The following LVRN variants were observed in gnomAD, a reference collection of about 807,000 sequenced individuals.
LVRN encodes aminopeptidase Q.
Under a neutral mutation model 111.4 loss-of-function variants are expected in LVRN, and 99 were observed. The observed-to-expected ratio is 0.89, with a 90% CI of 0.76 to 1.05. The LOEUF (loss-of-function observed/expected upper bound fraction) is 1.05, where lower values mean the gene tolerates loss of function less well. Ranked by LOEUF, LVRN falls within the 50% of genes least tolerant of loss-of-function variation. The pLI is 0.00. For synonymous variants in LVRN, 488 were observed against 449.5 expected (o/e 1.09, Z -1.08); for missense variants, 1,414 against 1,206.8 (o/e 1.17, Z -2.54).
chr5:116,015,354 C>A lies in LVRN; in HGVS notation c.2553C>A (p.Asn851Lys). ...ILLNTYTNTT[N>K]KEEKIQLAYA... ...TAAATACTTACACTAATACAACAAA[C>A]AAAGAAGAAAAGATTCAACTTGCTT... Residue 851 changes from asparagine (N) to lysine (K), a missense_variant, in exon 17 of 20, where the codon AAC becomes AAA. By Grantham distance (94) the Asn-to-Lys change is moderately conservative (BLOSUM62 0). Coordinates refer to ENST00000357872, the MANE Select transcript of LVRN (RefSeq NM_173800.5). 6.2e-7 allele frequency: 1 copy of A among 1,611,438 alleles called. No homozygotes were observed. Among genetic ancestry groups the A allele is most frequent in the Non-Finnish European group, 8.5e-7 (1 of 1,179,134 alleles).
chr5:115,993,855 G>T lies in LVRN; in HGVS notation c.1374+1G>T, dbSNP rs1264675980. 2.0e-6 allele frequency: 3 copies of T among 1,538,324 alleles called. No homozygotes were observed. The highest frequency in any genetic ancestry group is 2.4e-5 in the South Asian group (2 of 82,232). On this transcript the variant is annotated splice_donor_variant, in intron 6 of 19. Transcript: ENST00000357872. LOFTEE classifies it high-confidence loss of function. Reference sequence around the variant, plus strand: ...CTACTTTAATCCTAAACTCCCAAGAGTAAGTATGTTTACTAAGTTTATTTA... The same window carrying T: ...CTACTTTAATCCTAAACTCCCAAGATTAAGTATGTTTACTAAGTTTATTTA...
At chr5:115,974,301 C>G (rs73259362) in intron 1 of LVRN, among the ~76,000 whole-genome samples, 4,390 of 152,230 alleles carry the variant, frequency 0.029, 200 homozygotes, top group African/African-American at 0.098. Flanking sequence ...AATCTATACA[C>G]CTACCAACTC....
At chr5:115,993,017 A>G (rs958471858) in intron 5 of LVRN, among the ~76,000 whole-genome samples, 2 of 152,220 alleles carry the variant, frequency 1.3e-5, no homozygotes, top group African/African-American at 4.8e-5. Context: ...CACAATCACA[A>G]GTTTTATTAA....
At chr5:115,979,152 G>C (rs980028965) in intron 1 of LVRN, among the ~76,000 whole-genome samples, 1 of 152,048 alleles carries the variant, frequency 6.6e-6, no homozygotes, top group Admixed American at 6.6e-5. Context: ...GCTCTTGCAA[G>C]GAATGCTCAT....
At chr5:116,015,519 G>C in intron 17 of LVRN, 100 bp downstream of exon 17, 7 of 1,470,122 alleles carry the variant, frequency 4.8e-6, no homozygotes, top group Non-Finnish European at 5.4e-6. Flanking sequence ...AAAACGTTGC[G>C]TATTTGTGCT....
rs746784058 is a variant in LVRN at position 115,984,539 on chromosome 5, CT to C, written c.839-30del. The stretch of plus-strand genomic sequence containing the variant: ...AAAGACATGTAATTGCTTAGATTTG[CT>C]GTGATTTGAACTAAAATAAAATTCT... On this transcript the variant is annotated intron_variant, in intron 2 of 19. Coordinates refer to ENST00000357872, the MANE Select transcript of LVRN (RefSeq NM_173800.5). 8.7e-6 allele frequency: 14 copies of C among 1,609,398 alleles called. No individual in the cohort carries two copies. In the East Asian group the frequency reaches 3.1e-4, roughly 36 times the overall value.
chr5:116,026,538 G>T lies in LVRN; in HGVS notation c.*420G>T. Reference sequence around the variant, plus strand: ...AGGGTTTATTTAGTTCAACATTGAAGATTGAAAAGACTAATGAGAAGATAA... The same window carrying T: ...AGGGTTTATTTAGTTCAACATTGAATATTGAAAAGACTAATGAGAAGATAA... On this transcript the variant is annotated 3_prime_UTR_variant, in exon 20 of 20. Transcript: ENST00000357872. The T allele has an allele frequency of 4.7e-6, 1 of 213,284 alleles. No individual in the cohort carries two copies. The highest frequency in any genetic ancestry group is 9.3e-6 in the Non-Finnish European group (1 of 107,486). 13.2% of individuals were successfully genotyped at this position (213,284 alleles called of 1,614,324 possible).
At chr5:115,997,244 A>G (rs920220850) in intron 6 of LVRN, among the ~76,000 whole-genome samples, 1 of 152,184 alleles carries the variant, frequency 6.6e-6, no homozygotes, top group Non-Finnish European at 1.5e-5. Flanking sequence ...GATGAGTCAC[A>G]TAACTCCTAA....
At chr5:115,977,731 C>G (rs1753477882) in intron 1 of LVRN, among the ~76,000 whole-genome samples, 1 of 152,136 alleles carries the variant, frequency 6.6e-6, no homozygotes, top group African/African-American at 2.4e-5. Context: ...GTCGTCTAAT[C>G]AGTTGCATAA....
chr5:116,026,047 A>G lies in LVRN; in HGVS notation c.2902A>G (p.Ile968Val). 1.2e-6 allele frequency: 2 copies of G among 1,613,944 alleles called. No homozygotes were observed. The highest frequency in any genetic ancestry group is 1.7e-6 in the Non-Finnish European group (2 of 1,179,884). Residue 968 changes from isoleucine to valine, a missense_variant, in exon 20 of 20, where the codon ATA (isoleucine) becomes GTA (valine). Ile to Val is a conservative substitution (Grantham distance 29). Transcript: ENST00000357872. ...CAGAGTTCATGCCAACTTACAGACAATAAAGAATGAAAATCTGAAAAACAA... is the reference window on the plus strand; with the variant it reads ...CAGAGTTCATGCCAACTTACAGACAGTAAAGAATGAAAATCTGAAAAACAA... ...RIRVHANLQT[I>V]KNENLKNKKL...
chr5:116,023,441 C>G (rs1357604493), intron 19 of LVRN: 2 of 152,238 alleles, frequency 1.3e-5, no homozygotes, highest in Admixed American at 1.3e-4. Flanking sequence ...TTTCTCACAG[C>G]TTCAAGAGTT....
intron 1 of LVRN, among the ~76,000 whole-genome samples, chr5:115,974,306 C>G (rs1753390234): frequency 6.6e-6 from 1 of 152,112 alleles, no homozygotes; most frequent in South Asian, 2.1e-4. Context: ...ATACACCTAC[C>G]AACTCTGAAG....
intron 12 of LVRN, among the ~76,000 whole-genome samples, chr5:116,003,645 G>C (rs1275254117): frequency 1.3e-5 from 2 of 148,548 alleles, no homozygotes; most frequent in Non-Finnish European, 3.0e-5. Context: ...GCAGTGACGC[G>C]ATCTCGGCTC....
At chr5:115,994,042 GT>G (rs10713419) in intron 6 of LVRN, among the ~76,000 whole-genome samples, 188 bp downstream of exon 6, 28,809 of 151,414 alleles carry the variant, frequency 0.19, 3,152 homozygotes, top group East Asian at 0.48. Context: ...TATTGTAAAT[GT>G]TTTTGAAGGT....
chr5:115,985,847 C>A (rs1747846883), intron 3 of LVRN, among the ~76,000 whole-genome samples: 1 of 152,186 alleles, frequency 6.6e-6, no homozygotes, highest in Non-Finnish European at 1.5e-5. Context: ...AGGCCCAGTT[C>A]TTTCTAGACA....
At chr5:115,999,625 T>G in intron 6 of LVRN, 137 bp from the exon 7 acceptor site, 1 of 873,108 alleles carries the variant, frequency 1.1e-6, no homozygotes, top group Non-Finnish European at 1.7e-6. Flanking sequence ...TTTGGCATAT[T>G]TCAACTCAAA....
intron 6 of LVRN, among the ~76,000 whole-genome samples, chr5:115,998,493 C>A (rs759749892): frequency 2.6e-5 from 4 of 152,088 alleles, no homozygotes; most frequent in African/African-American, 9.7e-5. Flanking sequence ...TTAATGGTGG[C>A]GACCTTAGGG....
At chr5:115,977,587 C>T (rs1320020987) in intron 1 of LVRN, among the ~76,000 whole-genome samples, 2 of 152,154 alleles carry the variant, frequency 1.3e-5, no homozygotes, top group Admixed American at 6.5e-5. Context: ...AATCTCTAGT[C>T]GTCTTCATGA....
chr5:116,001,343 C>T (rs1452859273), intron 10 of LVRN, 104 bp downstream of exon 10: 2 of 1,288,534 alleles, frequency 1.6e-6, no homozygotes, highest in Non-Finnish European at 1.1e-6. Flanking sequence ...GCTGGGCATA[C>T]ACACTTCTGC....
Sources: gnomAD v4.1 joint callset for allele counts (sites outside exome capture counted in the v4.1 genomes callset) on GRCh38, gnomAD v4.1.1 for gene constraint, MANE v1.5 for transcripts, NCBI Gene and HGNC (gene_info 2026-07-23, HGNC 2026-07-21) for gene names.